The following NBEA variants were observed in gnomAD, a reference collection of about 807,000 sequenced individuals.
NBEA encodes neurobeachin, also known as lysosomal-trafficking regulator 2.
In NBEA, 44 loss-of-function variants were observed where a neutral mutation model predicts 343.4. That is an observed-to-expected ratio of 0.13 (90% CI 0.10 to 0.16). NBEA has a LOEUF of 0.16. Among genes scored for constraint, NBEA ranks in the 10% least tolerant of loss-of-function variants. The pLI is 1.00. For missense variants in NBEA, 2,555 were observed against 3,631.3 expected (o/e 0.70, Z 7.62); for synonymous variants, 1,175 against 1,238.7 (o/e 0.95, Z 1.08).
At chr13:35,291,490 A>G (rs1456915287) in intron 35 of NBEA, among the ~76,000 whole-genome samples, 1 of 151,902 alleles carries the variant, frequency 6.6e-6, no homozygotes, top group Non-Finnish European at 1.5e-5. Context: ...CAATATTGAT[A>G]AGGAAGAGGT....
At chr13:35,627,351 C>T (rs2083272983) in intron 48 of NBEA, among the ~76,000 whole-genome samples, 1 of 152,152 alleles carries the variant, frequency 6.6e-6, no homozygotes, top group Non-Finnish European at 1.5e-5. Context: ...ACCATCACTA[C>T]TTATTTCACG....
intron 38 of NBEA, among the ~76,000 whole-genome samples, chr13:35,424,852 T>A (rs2044548740): frequency 6.6e-6 from 1 of 152,216 alleles, no homozygotes; most frequent in Non-Finnish European, 1.5e-5. Flanking sequence ...TATTCAGAGA[T>A]TCAACTTCTT....
intron 33 of NBEA, among the ~76,000 whole-genome samples, chr13:35,223,769 G>A (rs1398549830): frequency 6.6e-6 from 1 of 152,032 alleles, no homozygotes; most frequent in East Asian, 1.9e-4. Flanking sequence ...ATAACACGTT[G>A]CCACAAATTT....
intron 47 of NBEA, among the ~76,000 whole-genome samples, chr13:35,605,574 G>A (rs1225890702): frequency 6.6e-6 from 1 of 151,996 alleles, no homozygotes; most frequent in East Asian, 1.9e-4. Flanking sequence ...TGATCAGGAT[G>A]GTACACATAA....
At chr13:35,650,864 G>T (rs999497293) in intron 52 of NBEA, among the ~76,000 whole-genome samples, 1 of 152,154 alleles carries the variant, frequency 6.6e-6, no homozygotes, top group Non-Finnish European at 1.5e-5. Context: ...GAGCCATGCC[G>T]AAGTAACCTG....
rs140504967 is a variant in NBEA, at chr13:35,354,947, A to G, written c.6179+2624A>G. Among the ~76,000 whole-genome samples, 860 of 152,178 alleles carry G rather than the reference A, an allele frequency of 5.7e-3. 10 individuals carry two copies. The highest frequency in any genetic ancestry group is 0.02 in the African/African-American group (819 of 41,514). ...CTAACATATGAAAACTAAGCTTCTA[A>G]TATTTTCTTCCAAACCAGTTTCTCT... On this transcript the variant is annotated intron_variant, in intron 38 of 58. Transcript: ENST00000379939.
intron 53 of NBEA, among the ~76,000 whole-genome samples, chr13:35,654,650 A>C (rs1188138350): frequency 6.6e-6 from 1 of 152,214 alleles, no homozygotes; most frequent in Non-Finnish European, 1.5e-5. Flanking sequence ...AATTTCTGGC[A>C]TAATTTTAAA....
At chr13:35,381,187 G>T (rs1416740401) in intron 38 of NBEA, among the ~76,000 whole-genome samples, 1 of 152,036 alleles carries the variant, frequency 6.6e-6, no homozygotes, top group Non-Finnish European at 1.5e-5. Context: ...AATGTTTTTG[G>T]TACCTAAGTA....
At chr13:35,551,560 G>A (rs966761526) in intron 43 of NBEA, among the ~76,000 whole-genome samples, 1 of 152,134 alleles carries the variant, frequency 6.6e-6, no homozygotes, top group African/African-American at 2.4e-5. Flanking sequence ...AGATACTAAT[G>A]TAAGTAGAAA....
intron 34 of NBEA, among the ~76,000 whole-genome samples, chr13:35,284,010 A>AC (rs2035244158): frequency 7.0e-6 from 1 of 143,210 alleles, no homozygotes; most frequent in Non-Finnish European, 1.6e-5. Flanking sequence ...ACACACACAC[A>AC]CACACCACAC....
At chr13:35,555,396 A>G (rs1406570447) in intron 44 of NBEA, among the ~76,000 whole-genome samples, 3 of 152,112 alleles carry the variant, frequency 2.0e-5, no homozygotes, top group Non-Finnish European at 4.4e-5. Flanking sequence ...TGGAAATAAT[A>G]ATGGGAAAAG....
At chr13:35,365,641 G>A (rs1421946436) in intron 38 of NBEA, among the ~76,000 whole-genome samples, 3 of 151,386 alleles carry the variant, frequency 2.0e-5, no homozygotes, top group African/African-American at 7.3e-5. Context: ...TGCGATTTTT[G>A]TTTTAGAAGC....
At chr13:35,538,622 A>G (rs538676211) in intron 41 of NBEA, among the ~76,000 whole-genome samples, 123 of 152,310 alleles carry the variant, frequency 8.1e-4, no homozygotes, top group Non-Finnish European at 1.4e-3. Context: ...GTCTCTACCT[A>G]CCATGCTGGG....
At chr13:35,581,180 C>T (rs1593281169) in intron 45 of NBEA, among the ~76,000 whole-genome samples, 2 of 152,202 alleles carry the variant, frequency 1.3e-5, no homozygotes, top group African/African-American at 4.8e-5. Context: ...AGTTCTAGAT[C>T]CTTGAGGAAT....
chr13:35,011,471 CGTT>C (rs1481212609), intron 1 of NBEA, among the ~76,000 whole-genome samples: 1 of 151,990 alleles, frequency 6.6e-6, no homozygotes, highest in Non-Finnish European at 1.5e-5. Flanking sequence ...GCTGTGACTT[CGTT>C]GTCAAACAGT....
At position 35,161,604 on chromosome 13, in the gene NBEA, G is replaced by A. The variant is rs899391229; in HGVS notation, c.3862-146G>A. Reference sequence around the variant, plus strand: ...AGTTTCCTGTGCAAGGAATTACCAGGTGAATAATATATGTGAAATATATTA... The same window carrying A: ...AGTTTCCTGTGCAAGGAATTACCAGATGAATAATATATGTGAAATATATTA... On this transcript the variant is annotated intron_variant, in intron 22 of 58. Transcript: ENST00000379939. The A allele has an allele frequency of 8.3e-6, 6 of 723,646 alleles. No homozygotes were observed. The African/African-American group carries it at 9.0e-5, about 11-fold the overall frequency. The allele number at this position is 723,646 out of a possible 1,614,324, so 44.8% of individuals were successfully genotyped here.
At chr13:35,654,741 TA>T (rs938143017) in intron 53 of NBEA, 113 bp from the exon 54 acceptor site, 3 of 801,754 alleles carry the variant, frequency 3.7e-6, no homozygotes, top group Non-Finnish European at 5.6e-6. Context: ...CTCATACCAT[TA>T]AAAAAACTAT....
rs1594959154 is a variant in NBEA, at chr13:35,555,083, G to C, written c.6903G>C (p.Met2301Ile). The C allele has an allele frequency of 1.9e-6, 3 of 1,595,490 alleles. No homozygotes were observed. The highest frequency in any genetic ancestry group is 2.6e-6 in the Non-Finnish European group (3 of 1,164,120). Residue 2301 changes from methionine (M) to isoleucine (I), a missense_variant, in exon 44 of 59, where the codon ATG becomes ATC. Transcript: ENST00000379939. ...RREISNFEYL[M>I]FLNTIAGRTY... Reference sequence around the variant, plus strand: ...AAATTTCAAACTTCGAATATTTGATGTTCCTTAATACTATTGCAGGTAAGA... The same window carrying C: ...AAATTTCAAACTTCGAATATTTGATCTTCCTTAATACTATTGCAGGTAAGA...
chr13:35,528,098 G>T (rs1425298483), intron 41 of NBEA, among the ~76,000 whole-genome samples: 2 of 152,136 alleles, frequency 1.3e-5, no homozygotes, highest in Non-Finnish European at 2.9e-5. Context: ...ATCCTAATAT[G>T]ATCATGTTCA....
Sources: gnomAD v4.1 joint callset for allele counts (sites outside exome capture counted in the v4.1 genomes callset) on GRCh38, gnomAD v4.1.1 for gene constraint, MANE v1.5 for transcripts, NCBI Gene and HGNC (gene_info 2026-07-23, HGNC 2026-07-21) for gene names.